The following CSMD1 variants were observed in gnomAD, a reference collection of about 807,000 sequenced individuals.
The protein encoded by CSMD1 is CUB and sushi domain-containing protein 1.
Under a neutral mutation model 417.5 loss-of-function variants are expected in CSMD1, and 213 were observed. The observed-to-expected ratio is 0.51, with a 90% confidence interval of 0.46 to 0.57. The LOEUF is 0.57. CSMD1 is among the 20% of genes least tolerant of loss of function. The pLI is 0.00. For missense variants in CSMD1, 6,923 were observed against 4,529.7 expected, an observed-to-expected ratio of 1.53 and a Z score of -15.17; for synonymous variants, 2,862 against 1,736.8, an observed-to-expected ratio of 1.65 and a Z score of -16.11.
At chr8:4,380,901 T>C (rs1803061881) in intron 3 of CSMD1, among the ~76,000 whole-genome samples, 1 of 152,184 alleles carries the variant, frequency 6.6e-6, no homozygotes, top group South Asian at 2.1e-4. Context: ...GTAATAATAT[T>C]ATTGTTTTAT....
chr8:3,131,340 T>C (rs934857432), intron 41 of CSMD1, among the ~76,000 whole-genome samples: 3 of 143,050 alleles, frequency 2.1e-5, no homozygotes, highest in African/African-American at 7.8e-5. Flanking sequence ...ACTTAAAGTA[T>C]AATAATAAAA....
chr8:3,713,986 A>T (rs1801673363), intron 6 of CSMD1, among the ~76,000 whole-genome samples: 1 of 151,942 alleles, frequency 6.6e-6, no homozygotes, highest in African/African-American at 2.4e-5. Context: ...ATAATATTGA[A>T]ATCTTTGTAA....
At chr8:3,893,732 T>C (rs1039599422) in intron 5 of CSMD1, among the ~76,000 whole-genome samples, 7 of 152,136 alleles carry the variant, frequency 4.6e-5, no homozygotes, top group African/African-American at 7.2e-5. Context: ...ACAATAAGCA[T>C]TAACATTCGC....
In CSMD1 at chr8:4,787,277, C is replaced by A. The variant is rs948297603; in HGVS notation, c.86-149719G>T. On this transcript the variant is annotated intron_variant, in intron 1 of 69. Coordinates refer to ENST00000635120, the MANE Select transcript of CSMD1 (RefSeq NM_033225.6). Reference sequence around the variant, plus strand: ...GATGCTCTCTGATCACCCCTCTTTTCTAGAGCTCTGCCTCACTTACCGGCG... The same window carrying A: ...GATGCTCTCTGATCACCCCTCTTTTATAGAGCTCTGCCTCACTTACCGGCG... 3.8e-5 allele frequency: 24 copies of A among 630,934 alleles called. No individual in the cohort carries two copies. The African/African-American group carries it at 4.2e-4, about 11-fold the overall frequency. 39.1% of individuals were successfully genotyped at this position (630,934 alleles called of 1,614,324 possible). A position where few individuals can be genotyped will look rare whatever the true frequency, so the allele number is the denominator to read the frequency against.
intron 10 of CSMD1, among the ~76,000 whole-genome samples, chr8:3,535,267 A>C (rs1798148378): frequency 6.6e-6 from 1 of 152,150 alleles, no homozygotes; most frequent in Non-Finnish European, 1.5e-5. Context: ...TGGGAAGCTA[A>C]TGACAGACGA....
chr8:4,076,796 T>C (rs994830378), intron 3 of CSMD1, among the ~76,000 whole-genome samples: 2 of 152,168 alleles, frequency 1.3e-5, no homozygotes, highest in Non-Finnish European at 2.9e-5. Flanking sequence ...TATCAGAGTA[T>C]ACACCATCAC....
chr8:4,182,869 T>G (rs1049525211), intron 3 of CSMD1, among the ~76,000 whole-genome samples: 3 of 152,090 alleles, frequency 2.0e-5, no homozygotes, highest in Non-Finnish European at 4.4e-5. Flanking sequence ...AGCATCAAAC[T>G]CAGAGTCTAG....
At chr8:4,576,624 A>G (rs1283821552) in intron 2 of CSMD1, among the ~76,000 whole-genome samples, 1 of 152,182 alleles carries the variant, frequency 6.6e-6, no homozygotes, top group African/African-American at 2.4e-5. Context: ...GTATATATAT[A>G]GCATTTATTA....
intron 6 of CSMD1, among the ~76,000 whole-genome samples, chr8:3,734,566 C>G (rs1003439536): frequency 6.6e-6 from 1 of 152,162 alleles, no homozygotes; most frequent in Non-Finnish European, 1.5e-5. Context: ...CCCAAAATAG[C>G]TAGGCCTGGT....
At chr8:4,071,760 G>A (rs73502926) in intron 3 of CSMD1, among the ~76,000 whole-genome samples, 5 of 152,104 alleles carry the variant, frequency 3.3e-5, no homozygotes, top group African/African-American at 1.2e-4. Flanking sequence ...TTCGTCTTTG[G>A]GGTTTTATTT....
At chr8:4,948,889 C>T (rs981747075) in intron 1 of CSMD1, among the ~76,000 whole-genome samples, 1 of 151,918 alleles carries the variant, frequency 6.6e-6, no homozygotes, top group African/African-American at 2.4e-5. Context: ...GATAAAAGAC[C>T]ATGTTTTTAC....
intron 50 of CSMD1, among the ~76,000 whole-genome samples, chr8:3,037,652 G>A (rs1810781475): frequency 6.6e-6 from 1 of 152,218 alleles, no homozygotes; most frequent in South Asian, 2.1e-4. Context: ...GAGGATATGG[G>A]ATTCTTAAGG....
chr8:4,331,256 G>C (rs1375866610), intron 3 of CSMD1, among the ~76,000 whole-genome samples: 1 of 152,128 alleles, frequency 6.6e-6, no homozygotes, highest in Non-Finnish European at 1.5e-5. Context: ...TCAGAGAGAA[G>C]CCAGGGAACT....
chr8:4,189,397 A>G (rs1394814012), intron 3 of CSMD1, among the ~76,000 whole-genome samples: 2 of 152,234 alleles, frequency 1.3e-5, no homozygotes, highest in Admixed American at 6.5e-5. Flanking sequence ...ACTCTACCTA[A>G]AAGTTTGCCT....
At chr8:3,923,542 G>C (rs1040035377) in intron 5 of CSMD1, among the ~76,000 whole-genome samples, 5 of 152,112 alleles carry the variant, frequency 3.3e-5, no homozygotes, top group East Asian at 1.9e-4. Context: ...TTCCCACACA[G>C]AACAGGATAC....
intron 37 of CSMD1, among the ~76,000 whole-genome samples, chr8:3,166,521 G>C (rs377122124): frequency 6.6e-6 from 1 of 151,972 alleles, no homozygotes; most frequent in African/African-American, 2.4e-5. Flanking sequence ...GCAACAGAGC[G>C]AGACTCCATC....
At chr8:4,157,055 G>C (rs1041792034) in intron 3 of CSMD1, among the ~76,000 whole-genome samples, 5 of 152,276 alleles carry the variant, frequency 3.3e-5, no homozygotes, top group South Asian at 2.1e-4. Flanking sequence ...GGAGCCTGTA[G>C]ACCAGAACAG....
At chr8:3,233,977 C>T (rs1799005500) in intron 26 of CSMD1, among the ~76,000 whole-genome samples, 1 of 152,202 alleles carries the variant, frequency 6.6e-6, no homozygotes, top group Non-Finnish European at 1.5e-5. Flanking sequence ...ATCTATGTCT[C>T]TGTCAACATC....
intron 5 of CSMD1, among the ~76,000 whole-genome samples, chr8:3,763,569 C>A (rs1032792022): frequency 6.6e-6 from 1 of 152,128 alleles, no homozygotes; most frequent in East Asian, 1.9e-4. Flanking sequence ...CAGGTGCTAG[C>A]CCCGTTTGGT....
Sources: allele counts gnomAD v4.1 joint callset (sites outside exome capture counted in the v4.1 genomes callset), GRCh38; gene constraint gnomAD v4.1.1; transcripts MANE v1.5; gene names NCBI Gene and HGNC (gene_info 2026-07-23, HGNC 2026-07-21).